The following ADGRG6 variants were observed in gnomAD, a reference collection of about 807,000 sequenced individuals.
The protein encoded by ADGRG6 is adhesion G protein-coupled receptor G6.
ADGRG6 carries 84 observed loss-of-function variants against 142.4 expected under a neutral mutation model. That is an observed-to-expected ratio of 0.59 (90% CI 0.49 to 0.71). The LOEUF is 0.71. Ranked by LOEUF, ADGRG6 falls within the 30% of genes least tolerant of loss-of-function variation. The probability of loss-of-function intolerance (pLI) is 0.00; values close to 1 mark genes in which losing one functional copy is unlikely to be tolerated. For synonymous variants in ADGRG6, 521 were observed against 520.5 expected (o/e 1.00, Z -0.01); for missense variants, 1,367 against 1,466.6 (o/e 0.93, Z 1.11).
At chr6:142,440,962 T>C (rs1011944471) in intron 24 of ADGRG6, 18 of 1,458,804 alleles carry the variant, frequency 1.2e-5, no homozygotes, top group African/African-American at 2.9e-5. Flanking sequence ...AGGTAAACTT[T>C]CGTTACTTTT....
chr6:142,420,210 C>A, intron 22 of ADGRG6, 106 bp downstream of exon 22: 1 of 841,182 alleles, frequency 1.2e-6, no homozygotes, highest in Non-Finnish European at 1.9e-6. Flanking sequence ...GTCACTATTT[C>A]AAGTGCTGAA....
Position 142,414,989 on chromosome 6 carries a change from A to G in ADGRG6, c.2562A>G (p.Ser854=). 1 of 1,611,426 alleles carries G rather than the reference A, an allele frequency of 6.2e-7. No homozygotes were observed. Among genetic ancestry groups the G allele is most frequent in the Non-Finnish European group, 8.5e-7 (1 of 1,178,594 alleles). The change falls in exon 19 of 25, where the codon TCA becomes TCG. Residue 854 remains serine (S), a synonymous_variant. Transcript: ENST00000367609. The part of the protein sequence containing the change: ...GVLMDLPRSA[S]QLDARNTKVL... Reference sequence around the variant, plus strand: ...TGTAGGACCTTCCAAGAAGTGCCTCACAGTTAGATGCAAGAAACACTAAAG... The same window carrying G: ...TGTAGGACCTTCCAAGAAGTGCCTCGCAGTTAGATGCAAGAAACACTAAAG...
chr6:142,441,310 G>A (rs191366211), intron 24 of ADGRG6, among the ~76,000 whole-genome samples: 1 of 152,270 alleles, frequency 6.6e-6, no homozygotes, highest in Admixed American at 6.5e-5. Context: ...GTGGATTTCT[G>A]GGTATGTCAT....
chr6:142,367,346 A>C (rs1349976087), intron 2 of ADGRG6, among the ~76,000 whole-genome samples: 2 of 152,118 alleles, frequency 1.3e-5, no homozygotes, highest in Admixed American at 6.5e-5. Context: ...CAAATTTAAG[A>C]ATCATTGCAT....
chr6:142,341,593 T>TA (rs1562324093), intron 2 of ADGRG6, among the ~76,000 whole-genome samples: 20 of 126,820 alleles, frequency 1.6e-4, no homozygotes, highest in African/African-American at 5.5e-4. Flanking sequence ...TATAATATTA[T>TA]ATATTATATA....
At chr6:142,363,668 C>T (rs1441769361) in intron 2 of ADGRG6, among the ~76,000 whole-genome samples, 1 of 152,048 alleles carries the variant, frequency 6.6e-6, no homozygotes, top group Non-Finnish European at 1.5e-5. Flanking sequence ...TGTGTTAATC[C>T]TGATTTTACC....
At chr6:142,302,900 C>T (rs915036122) in intron 1 of ADGRG6, among the ~76,000 whole-genome samples, 1 of 152,104 alleles carries the variant, frequency 6.6e-6, no homozygotes, top group African/African-American at 2.4e-5. Flanking sequence ...CGCCACGTTA[C>T]GTGATAGGAT....
At chr6:142,426,488 G>A (rs1309689759) in intron 22 of ADGRG6, among the ~76,000 whole-genome samples, 1 of 152,188 alleles carries the variant, frequency 6.6e-6, no homozygotes, top group Non-Finnish European at 1.5e-5. Flanking sequence ...TGGCTTTGCA[G>A]GGTATAGCCT....
intron 2 of ADGRG6, among the ~76,000 whole-genome samples, chr6:142,315,597 AGGC>A (rs1249518798): frequency 4.6e-5 from 7 of 151,972 alleles, no homozygotes; most frequent in Admixed American, 4.6e-4. Flanking sequence ...TGGGAGGCCG[AGGC>A]GGCGGGCAGA....
intron 2 of ADGRG6, among the ~76,000 whole-genome samples, chr6:142,311,467 T>C (rs1013235518): frequency 6.6e-6 from 1 of 151,944 alleles, no homozygotes; most frequent in African/African-American, 2.4e-5. Context: ...TAATATAAAA[T>C]TTTTGCCTTA....
At chr6:142,338,320 CT>C (rs1165912489) in intron 2 of ADGRG6, among the ~76,000 whole-genome samples, 2 of 151,716 alleles carry the variant, frequency 1.3e-5, no homozygotes, top group South Asian at 2.1e-4. Flanking sequence ...TGCCTTGTAT[CT>C]TTGATAGTGT....
At chr6:142,308,758 CTT>C (rs147079155) in intron 1 of ADGRG6, among the ~76,000 whole-genome samples, 1 of 146,038 alleles carries the variant, frequency 6.8e-6, no homozygotes, top group Non-Finnish European at 1.5e-5. Flanking sequence ...GCTGGTTTGC[CTT>C]TTTTTTTTGA....
intron 4 of ADGRG6, among the ~76,000 whole-genome samples, chr6:142,371,771 C>G (rs1781273107): frequency 6.6e-6 from 1 of 152,162 alleles, no homozygotes; most frequent in Non-Finnish European, 1.5e-5. Flanking sequence ...AGGCATGAGC[C>G]ACCGTGCCCG....
intron 2 of ADGRG6, among the ~76,000 whole-genome samples, chr6:142,314,282 A>G (rs1266985135): frequency 1.3e-5 from 2 of 152,176 alleles, no homozygotes; most frequent in Non-Finnish European, 2.9e-5. Flanking sequence ...CACAGTGACA[A>G]TCTCAAGTGA....
At chr6:142,433,693 C>T (rs1483894269) in intron 22 of ADGRG6, among the ~76,000 whole-genome samples, 16 of 152,176 alleles carry the variant, frequency 1.1e-4, no homozygotes, top group Non-Finnish European at 2.4e-4. Context: ...GGGACCTTCA[C>T]GAGGTGCTTG....
chr6:142,358,048 TTA>T lies in ADGRG6; in HGVS notation c.104-9519_104-9518del, dbSNP rs903274590. 6.6e-5 allele frequency among the ~76,000 whole-genome samples: 10 copies of T among 152,334 alleles called. No homozygotes were observed. The South Asian group carries it at 8.3e-4, about 13-fold the overall frequency. On this transcript the variant is annotated intron_variant, in intron 2 of 24. Coordinates refer to ENST00000367609, the MANE Select transcript of ADGRG6 (RefSeq NM_198569.3). ...TACTTTCATGTGCTCAAGAAGTTAG[TTA>T]TGTGCTGTTTAGCCAGTAATGACAT...
Position 142,400,508 on chromosome 6 carries a change from C to A in ADGRG6, c.1591C>A (p.Pro531Thr). Residue 531 changes from proline to threonine, a missense_variant, in exon 11 of 25, where the codon CCC becomes ACC. Pro to Thr is a conservative substitution (Grantham distance 38). Around this residue, in one of 3 missense-constraint regions of ADGRG6, gnomAD observed 737 missense variants for 746.5 expected, o/e 0.99. Coordinates refer to ENST00000367609, the MANE Select transcript of ADGRG6 (RefSeq NM_198569.3). ...AGGTCATTGTCTTGCCATGGAGGAA[C>A]CCAAAGGCTACTACTGGCCATCTAT... ...QLGHCLAMEEPKGYYWPSIQP... is the reference protein window; with the variant it reads ...QLGHCLAMEETKGYYWPSIQP... The A allele has an allele frequency of 6.3e-7, 1 of 1,583,800 alleles. No individual in the cohort carries two copies. Among genetic ancestry groups the A allele is most frequent in the Non-Finnish European group, 8.7e-7 (1 of 1,153,096 alleles).
intron 22 of ADGRG6, among the ~76,000 whole-genome samples, chr6:142,423,133 G>A (rs1204996577): frequency 7.0e-6 from 1 of 142,226 alleles, no homozygotes; most frequent in African/African-American, 2.7e-5. Context: ...CACTCTGATG[G>A]TAGTTTCTTT....
At chr6:142,436,619 T>C (rs1030193162) in intron 22 of ADGRG6, among the ~76,000 whole-genome samples, 1 of 152,106 alleles carries the variant, frequency 6.6e-6, no homozygotes, top group Non-Finnish European at 1.5e-5. Context: ...GAGGAATTTT[T>C]TGTTTGTTCT....
Sources: gnomAD v4.1 joint callset for allele counts (sites outside exome capture counted in the v4.1 genomes callset) on GRCh38, gnomAD v4.1.1 for gene constraint, gnomAD v4.1.1 regional missense constraint, MANE v1.5 for transcripts, NCBI Gene and HGNC (gene_info 2026-07-23, HGNC 2026-07-21) for gene names.